Variants in PZP observed in about 807,000 individuals in gnomAD.
The protein encoded by PZP is PZP alpha-2-macroglobulin like.
A neutral mutation model predicts 179.8 loss-of-function variants in PZP; 150 were observed. The ratio of observed to expected loss-of-function variants is 0.83; its 90% CI spans 0.73 to 0.96. The LOEUF is 0.96. Ranked by LOEUF, PZP falls within the 40% of genes least tolerant of loss-of-function variation. The pLI is 0.00. For missense variants in PZP, 1,689 were observed against 1,764.0 expected (o/e 0.96, Z 0.76); for synonymous variants, 624 against 652.3 (o/e 0.96, Z 0.66).
chr12:9,186,354 G>A (rs993191960), intron 13 of PZP, among the ~76,000 whole-genome samples: 4 of 152,142 alleles, frequency 2.6e-5, no homozygotes, highest in Non-Finnish European at 4.4e-5. Flanking sequence ...ACACAAACAA[G>A]TTGACAAACA....
rs1238372548 is a variant in PZP at position 9,169,586 on chromosome 12, A to G, written c.1845T>C (p.Tyr615=). ...TGAGATCCTTCACAGTTAGCAGATTATATACCTGTAGCAGTGGGGGGATCA... is the reference window on the plus strand; with the variant it reads ...TGAGATCCTTCACAGTTAGCAGATTGTATACCTGTAGCAGTGGGGGGATCA... ...PEAELSVSSV[Y]NLLTVKDLTN... The change falls in exon 16 of 36, where the codon TAT becomes TAC. Residue 615 remains tyrosine (Y), a synonymous_variant. Coordinates refer to ENST00000261336, the MANE Select transcript of PZP (RefSeq NM_002864.3). 3.1e-6 allele frequency: 5 copies of G among 1,607,776 alleles called. No homozygotes were observed. The highest frequency in any genetic ancestry group is 1.7e-5 in the Admixed American group (1 of 58,616).
At chr12:9,180,728 A>G (rs1312687099) in intron 15 of PZP, among the ~76,000 whole-genome samples, 1 of 152,252 alleles carries the variant, frequency 6.6e-6, no homozygotes, top group Non-Finnish European at 1.5e-5. Flanking sequence ...ACCATTCAGG[A>G]CATAGGCATG....
chr12:9,193,498 A>G (rs1943570916), intron 11 of PZP, among the ~76,000 whole-genome samples: 1 of 151,888 alleles, frequency 6.6e-6, no homozygotes, highest in South Asian at 2.1e-4. Flanking sequence ...TTTAAATCCT[A>G]GGGAGAGTGA....
chr12:9,161,731 T>G (rs1344983161), intron 22 of PZP, among the ~76,000 whole-genome samples: 1 of 152,246 alleles, frequency 6.6e-6, no homozygotes, highest in East Asian at 1.9e-4. Flanking sequence ...AATACAGTGC[T>G]GTATACACTG....
rs370932887 is a variant in PZP at position 9,208,338 on chromosome 12, G to T, written c.4C>A (p.Arg2=). 153 of 1,611,670 alleles carry T rather than the reference G, an allele frequency of 9.5e-5. No homozygotes were observed. The highest frequency in any genetic ancestry group is 1.2e-4 in the Non-Finnish European group (138 of 1,178,174). The change falls in exon 1 of 36, where the codon CGG becomes AGG. Residue 2 remains arginine, a synonymous_variant. Coordinates refer to ENST00000261336, the MANE Select transcript of PZP (RefSeq NM_002864.3). M[R]KDRLLHLCLV... is the part of the protein sequence containing the mutation. ...CATAAATGAAGAAGTCTGTCTTTCC[G>T]CATTGTGAGGGATAAATCTCAGGGT...
At chr12:9,182,585 A>G (rs1942840861) in intron 13 of PZP, among the ~76,000 whole-genome samples, 1 of 152,230 alleles carries the variant, frequency 6.6e-6, no homozygotes, top group Admixed American at 6.5e-5. Context: ...TTCCTAAAAG[A>G]ATATTTAATT....
At chr12:9,186,078 T>C (rs2121032696) in intron 13 of PZP, among the ~76,000 whole-genome samples, 1 of 152,106 alleles carries the variant, frequency 6.6e-6, no homozygotes, top group South Asian at 2.1e-4. Flanking sequence ...AGTGCTGGGA[T>C]TACAGGTATG....
chr12:9,166,958 A>G lies in PZP; in HGVS notation c.2108-756T>C, dbSNP rs181903550. 2.6e-4 allele frequency: 39 copies of G among 152,350 alleles called. 1 individual carries two copies. Among genetic ancestry groups the G allele is most frequent in the Admixed American group, 2.0e-3 (31 of 15,304 alleles). 9.4% of individuals were successfully genotyped at this position (152,350 alleles called of 1,614,324 possible). A position where few individuals can be genotyped will look rare whatever the true frequency, so the allele number is the denominator to read the frequency against. On this transcript the variant is annotated intron_variant, in intron 17 of 35. Coordinates refer to ENST00000261336, the MANE Select transcript of PZP (RefSeq NM_002864.3). ...ATGTATCCCATCTGATATTTCAGAA[A>G]TACCTTGTGAAAGAATACTTACAAG... is the stretch of plus-strand genomic sequence containing the variant.
At chr12:9,145,183 A>G (rs968719794), downstream of PZP, among the ~76,000 whole-genome samples, 7 of 152,124 alleles carry the variant, frequency 4.6e-5, no homozygotes, top group Non-Finnish European at 8.8e-5. Flanking sequence ...GTAATTGTTG[A>G]TAGGGGAAGA....
At chr12:9,155,510 G>T (rs1476403610) in intron 28 of PZP, among the ~76,000 whole-genome samples, 2 of 147,700 alleles carry the variant, frequency 1.4e-5, no homozygotes, top group African/African-American at 5.0e-5. Flanking sequence ...TGTTGTTGTT[G>T]TTTTTGTACT....
rs1941384040 is a variant in PZP at position 9,163,702 on chromosome 12, CT to C, written c.2701del (p.Arg901GlufsTer25). 1.2e-6 allele frequency: 2 copies of C among 1,613,946 alleles called. No homozygotes were observed. On this transcript the variant is annotated frameshift_variant, in exon 21 of 36. Transcript: ENST00000261336. LOFTEE classifies it high-confidence loss of function. ...CAGGGTTTTGATGACTGTGTCTTTT[CT>C]TTTAATCTCAGGGACCTCAACAACC... ...NEVVEVPEIK[R>X]KDTVIKTLLV...
At chr12:9,147,920 G>A (rs1940094186), downstream of PZP, among the ~76,000 whole-genome samples, 4 of 149,028 alleles carry the variant, frequency 2.7e-5, no homozygotes, top group Admixed American at 2.7e-4. Flanking sequence ...GAGGTGACCA[G>A]TTTTTTTTTT....
At chr12:9,186,071 G>A (rs1943101333) in intron 13 of PZP, among the ~76,000 whole-genome samples, 1 of 151,982 alleles carries the variant, frequency 6.6e-6, no homozygotes, top group African/African-American at 2.4e-5. Context: ...CCCCCAAAGT[G>A]CTGGGATTAC....
intron 18 of PZP, among the ~76,000 whole-genome samples, chr12:9,165,835 T>C (rs1941543991): frequency 6.6e-6 from 1 of 152,226 alleles, no homozygotes; most frequent in Non-Finnish European, 1.5e-5. Flanking sequence ...GTCTACTATT[T>C]GACAGTATCA....
intron 29 of PZP, among the ~76,000 whole-genome samples, chr12:9,154,259 T>C (rs1940576535): frequency 6.6e-6 from 1 of 152,198 alleles, no homozygotes; most frequent in African/African-American, 2.4e-5. Context: ...TACTATTGAA[T>C]ATTTTATAAG....
chr12:9,171,585 GA>G (rs1181716958), intron 15 of PZP, among the ~76,000 whole-genome samples: 5 of 152,130 alleles, frequency 3.3e-5, no homozygotes, highest in African/African-American at 9.7e-5. Flanking sequence ...AAGAAGCTGA[GA>G]ATCATGATAA....
In PZP at chr12:9,192,677, A is replaced by G. The variant is rs10771407; in HGVS notation, c.1317T>C (p.Gly439=). The change falls in exon 12 of 36, where the codon GGT becomes GGC. Residue 439 remains glycine, a synonymous_variant. Transcript: ENST00000261336. ...HYSWVAEDHQ[G]AQHTANRVFS... ...AAACACGATTTGCAGTGTGCTGAGCACCCTGGTGGTCTTCTGCTACCCATG... is the reference window on the plus strand; with the variant it reads ...AAACACGATTTGCAGTGTGCTGAGCGCCCTGGTGGTCTTCTGCTACCCATG... 0.91 allele frequency: 1,472,373 copies of G among 1,613,838 alleles called. 673,576 individuals carry two copies. The highest frequency in any genetic ancestry group is 0.97 in the East Asian group (43,686 of 44,874).
rs1292505964 is a variant in PZP, at chr12:9,207,298, A to T, written c.83+961T>A. ...TGTGGGTATGCAAGAGAGAGGTAGA[A>T]GTTTAACCTCTCCAGGACACCTCAG... is the stretch of plus-strand genomic sequence containing the variant. On this transcript the variant is annotated intron_variant, in intron 1 of 35. Coordinates refer to ENST00000261336, the MANE Select transcript of PZP (RefSeq NM_002864.3). Among the ~76,000 whole-genome samples, 4 of 152,166 alleles carry T rather than the reference A, an allele frequency of 2.6e-5. No homozygotes were observed. In the East Asian group the frequency reaches 7.7e-4, roughly 29 times the overall value.
chr12:9,197,632 A>C lies in PZP; in HGVS notation c.756-509T>G, dbSNP rs1480982667. On this transcript the variant is annotated intron_variant, in intron 7 of 35. Coordinates refer to ENST00000261336, the MANE Select transcript of PZP (RefSeq NM_002864.3). ...ATATTATATATTTATATATTATATT[A>C]TATATTATATTATATAATATAATAT... Among the ~76,000 whole-genome samples, 3 of 71,410 alleles carry C rather than the reference A, an allele frequency of 4.2e-5. No homozygotes were observed. The East Asian group carries it at 1.1e-3, about 27-fold the overall frequency. The allele number at this position is 71,410 out of a possible 152,430, so 46.8% of individuals were successfully genotyped here.
Sources: allele counts gnomAD v4.1 joint callset (sites outside exome capture counted in the v4.1 genomes callset), GRCh38; gene constraint gnomAD v4.1.1; transcripts MANE v1.5; gene names NCBI Gene and HGNC (gene_info 2026-07-23, HGNC 2026-07-21).